NDST4: variants seen among roughly 807,000 people sequenced by gnomAD.
The protein encoded by NDST4 is N-heparan sulfate sulfotransferase 4.
NDST4 carries 63 observed loss-of-function variants against 100.8 expected under a neutral mutation model. That is an observed-to-expected ratio of 0.62 (90% CI 0.51 to 0.77). NDST4 has a LOEUF of 0.77. Among genes scored for constraint, NDST4 ranks in the 30% least tolerant of loss-of-function variants. NDST4 has a pLI of 0.00. For synonymous variants in NDST4, 377 were observed against 361.8 expected (o/e 1.04, Z -0.48); for missense variants, 943 against 1,018.4 (o/e 0.93, Z 1.01).
chr4:115,058,373 G>C (rs1728746961), intron 2 of NDST4, among the ~76,000 whole-genome samples: 1 of 152,162 alleles, frequency 6.6e-6, no homozygotes. Flanking sequence ...AAATGCAGCA[G>C]ATCTGACAAT....
intron 2 of NDST4, among the ~76,000 whole-genome samples, chr4:114,982,273 C>T (rs886591112): frequency 1.3e-5 from 2 of 152,134 alleles, no homozygotes; most frequent in Non-Finnish European, 2.9e-5. Flanking sequence ...TTGGAACTTC[C>T]TAGAGACTTG....
chr4:115,079,070 C>T (rs527719959), intron 1 of NDST4, among the ~76,000 whole-genome samples: 7 of 151,960 alleles, frequency 4.6e-5, no homozygotes, highest in African/African-American at 1.4e-4. Context: ...CACTACATTA[C>T]TACAGGCACG....
At chr4:115,079,095 T>C (rs1729250477) in intron 1 of NDST4, among the ~76,000 whole-genome samples, 2 of 151,986 alleles carry the variant, frequency 1.3e-5, no homozygotes, top group Admixed American at 1.3e-4. Flanking sequence ...CTCAGGCCTG[T>C]AATCCCAGCA....
intron 6 of NDST4, among the ~76,000 whole-genome samples, chr4:114,881,668 C>A (rs1312256916): frequency 1.9e-4 from 29 of 152,062 alleles, no homozygotes; most frequent in Admixed American, 1.9e-3. Flanking sequence ...GAGAGGACAG[C>A]TGAATTCTTC....
intron 2 of NDST4, among the ~76,000 whole-genome samples, chr4:114,986,796 A>ATG (rs1560845281): frequency 4.7e-3 from 70 of 14,790 alleles, no homozygotes; most frequent in African/African-American, 0.012. Context: ...AATTATACAT[A>ATG]TATATATATA....
intron 6 of NDST4, among the ~76,000 whole-genome samples, chr4:114,882,070 G>T (rs1441744461): frequency 6.6e-6 from 1 of 150,582 alleles, no homozygotes; most frequent in African/African-American, 2.4e-5. Flanking sequence ...TTTAAAAGAA[G>T]AAAAAAAGGA....
chr4:114,864,574 T>G (rs1723985374), intron 7 of NDST4, among the ~76,000 whole-genome samples: 1 of 152,190 alleles, frequency 6.6e-6, no homozygotes, highest in Non-Finnish European at 1.5e-5. Context: ...GGGTGTTTAT[T>G]CTCAGTGCTC....
chr4:115,030,687 T>A (rs924493986), intron 2 of NDST4, among the ~76,000 whole-genome samples: 1 of 152,074 alleles, frequency 6.6e-6, no homozygotes, highest in Non-Finnish European at 1.5e-5. Context: ...GTAATCACAA[T>A]AAAATTTTTA....
intron 6 of NDST4, among the ~76,000 whole-genome samples, chr4:114,910,344 T>G (rs1725038611): frequency 6.6e-6 from 1 of 152,168 alleles, no homozygotes; most frequent in African/African-American, 2.4e-5. Context: ...ACATCTCTAT[T>G]AAGGAGAAAA....
intron 2 of NDST4, among the ~76,000 whole-genome samples, chr4:115,066,071 A>T (rs1200446165): frequency 6.6e-6 from 1 of 152,152 alleles, no homozygotes; most frequent in Non-Finnish European, 1.5e-5. Context: ...CCCATTGTGT[A>T]CAATCATGTT....
At chr4:115,011,149 T>G (rs1727536131) in intron 2 of NDST4, among the ~76,000 whole-genome samples, 1 of 152,050 alleles carries the variant, frequency 6.6e-6, no homozygotes, top group African/African-American at 2.4e-5. Flanking sequence ...ACATGCAGTT[T>G]GCCTTCAGAA....
At chr4:115,018,834 G>A (rs773695594) in intron 2 of NDST4, among the ~76,000 whole-genome samples, 2 of 151,790 alleles carry the variant, frequency 1.3e-5, no homozygotes, top group Non-Finnish European at 2.9e-5. Context: ...AAAAATGCAA[G>A]TTACCAGGAC....
At chr4:114,904,657 A>G (rs7690267) in intron 6 of NDST4, among the ~76,000 whole-genome samples, 6,845 of 151,956 alleles carry the variant, frequency 0.045, 499 homozygotes, top group African/African-American at 0.15. Flanking sequence ...TTATATCAAT[A>G]TTTCTAAAAT....
chr4:114,958,279 T>G (rs1726183819), intron 4 of NDST4, among the ~76,000 whole-genome samples: 1 of 152,156 alleles, frequency 6.6e-6, no homozygotes, highest in African/African-American at 2.4e-5. Context: ...TCATCTCTCT[T>G]AAGTTCAAAG....
intron 2 of NDST4, among the ~76,000 whole-genome samples, chr4:115,018,082 A>G (rs1467090606): frequency 6.6e-6 from 1 of 151,946 alleles, no homozygotes; most frequent in African/African-American, 2.4e-5. Flanking sequence ...TGTAAGTCAA[A>G]ATGCTGTTGA....
intron 2 of NDST4, among the ~76,000 whole-genome samples, chr4:115,001,700 T>G (rs1727293851): frequency 6.6e-6 from 1 of 152,138 alleles, no homozygotes; most frequent in Non-Finnish European, 1.5e-5. Context: ...GACATTTTAT[T>G]TTTACAGCAT....
intron 7 of NDST4, among the ~76,000 whole-genome samples, chr4:114,853,690 C>A (rs1040289327): frequency 2.6e-5 from 4 of 151,876 alleles, no homozygotes; most frequent in Non-Finnish European, 4.4e-5. Flanking sequence ...AAAACATATA[C>A]CTTGGAAATT....
intron 10 of NDST4, among the ~76,000 whole-genome samples, chr4:114,843,882 A>G (rs922085338): frequency 1.3e-5 from 2 of 152,050 alleles, no homozygotes; most frequent in African/African-American, 4.8e-5. Flanking sequence ...TCTAGCTCAG[A>G]CTTCTCCCAG....
chr4:114,950,128 C>A (rs1725957218), intron 4 of NDST4, among the ~76,000 whole-genome samples: 1 of 151,918 alleles, frequency 6.6e-6, no homozygotes, highest in African/African-American at 2.4e-5. Flanking sequence ...TTTAGGGTAC[C>A]TGAAGCTCTA....
Sources: gnomAD v4.1 joint callset for allele counts (sites outside exome capture counted in the v4.1 genomes callset) on GRCh38, gnomAD v4.1.1 for gene constraint, MANE v1.5 for transcripts, NCBI Gene and HGNC (gene_info 2026-07-23, HGNC 2026-07-21) for gene names.